ADGRL1: variants seen among roughly 807,000 people sequenced by gnomAD.
The protein encoded by ADGRL1 is adhesion G protein-coupled receptor L1.
ADGRL1 carries 31 observed loss-of-function variants against 148.9 expected under a neutral mutation model. The observed-to-expected ratio is 0.21, with a 90% CI of 0.16 to 0.28. The LOEUF (loss-of-function observed/expected upper bound fraction) is 0.28, where lower values mean the gene tolerates loss of function less well. Ranked by LOEUF, ADGRL1 falls within the 10% of genes least tolerant of loss-of-function variation. The probability of loss-of-function intolerance (pLI) is 1.00; values close to 1 mark genes in which losing one functional copy is unlikely to be tolerated. For synonymous variants in ADGRL1, 937 were observed against 900.3 expected, an observed-to-expected ratio of 1.04 and a Z score of -0.73; for missense variants, 1,521 against 2,058.8, an observed-to-expected ratio of 0.74 and a Z score of 5.05.
chr19:14,163,503 G>GGA lies in ADGRL1; in HGVS notation c.395-98_395-97insTC, dbSNP rs1555785238. The GGA allele has an allele frequency of 4.2e-3, 3,387 of 809,638 alleles. 4 individuals carry two copies. The highest frequency in any genetic ancestry group is 5.3e-3 in the Admixed American group (176 of 33,404). The allele number at this position is 809,638 out of a possible 1,614,324, so 50.2% of individuals were successfully genotyped here. The stretch of plus-strand genomic sequence containing the variant: ...GAGAGAGAGAGAGAGAGAGAGGGGG[G>GGA]AGAGAGGCAAGTTGGTCACGCTGCT... On this transcript the variant is annotated intron_variant, in intron 4 of 22. Coordinates refer to ENST00000361434, the MANE Select transcript of ADGRL1 (RefSeq NM_014921.5).
chr19:14,175,683 GACAC>G (rs765584470), intron 3 of ADGRL1, among the ~76,000 whole-genome samples: 4 of 151,726 alleles, frequency 2.6e-5, no homozygotes, highest in Non-Finnish European at 5.9e-5. Flanking sequence ...CATACACTTA[GACAC>G]ACAGACACAC....
At chr19:14,183,401 C>T in intron 2 of ADGRL1, 132 bp downstream of exon 2, 2 of 814,720 alleles carry the variant, frequency 2.5e-6, no homozygotes, top group Non-Finnish European at 3.9e-6. Flanking sequence ...TGGCCTGCTC[C>T]AGCTGAGGTC....
At position 14,160,892 on chromosome 19, in the gene ADGRL1, C is replaced by G. The variant is rs1042139371; in HGVS notation, c.1511-196G>C. Among the ~76,000 whole-genome samples the G allele has an allele frequency of 1.3e-5, 2 of 152,176 alleles. No homozygotes were observed. The highest frequency in any genetic ancestry group is 4.8e-5 in the African/African-American group (2 of 41,442). On this transcript the variant is annotated intron_variant, in intron 6 of 22. Transcript: ENST00000361434. This position sits in a 1 kb window ranked among gnomAD's most constrained non-coding sequence, Gnocchi z 5.9. ...GCCACTCACTTCCCCTGAGCTCTCC[C>G]TCCTGCCCCCTTCTGTCTTTGCCTC...
At chr19:14,158,217 C>A in intron 12 of ADGRL1, 121 bp downstream of exon 12, 1 of 1,263,042 alleles carries the variant, frequency 7.9e-7, no homozygotes, top group Non-Finnish European at 1.1e-6. Flanking sequence ...ATGGCCCAAG[C>A]TCTAAAGTGG....
chr19:14,189,430 A>T (rs1288496108), intron 1 of ADGRL1, among the ~76,000 whole-genome samples: 1 of 152,064 alleles, frequency 6.6e-6, no homozygotes. Flanking sequence ...GGATTTCGTC[A>T]TGTTGCCTAG....
intron 2 of ADGRL1, among the ~76,000 whole-genome samples, chr19:14,180,849 T>C (rs1568613188): frequency 1.3e-5 from 2 of 152,160 alleles, no homozygotes; most frequent in Admixed American, 1.3e-4. Context: ...CCAGTGCACC[T>C]GGCCCTGATT....
rs71170598 is a variant in ADGRL1, at chr19:14,149,922, C to CTTTTTTTTTTTTTTTTTTTTTTTTTTTT, written c.*950_*951insAAAAAAAAAAAAAAAAAAAAAAAAAAAA. 1 of 122,724 alleles carries CTTTTTTTTTTTTTTTTTTTTTTTTTTTT rather than the reference C, an allele frequency of 8.1e-6. No homozygotes were observed. Among genetic ancestry groups the CTTTTTTTTTTTTTTTTTTTTTTTTTTTT allele is most frequent in the Non-Finnish European group, 1.7e-5 (1 of 57,784 alleles). The allele number at this position is 122,724 out of a possible 1,614,324, so 7.6% of individuals were successfully genotyped here. ...CAAGTGATGAGATTTTTTTTCTTTT[C>CTTTTTTTTTTTTTTTTTTTTTTTTTTTT]TTTTTTTTTTTTTTTGTCTTTTTTT... On this transcript the variant is annotated 3_prime_UTR_variant, in exon 23 of 23. Transcript: ENST00000361434.
Position 14,152,292 on chromosome 19 carries a change from T to A in ADGRL1, c.3649+17A>T. On this transcript the variant is annotated intron_variant, in intron 21 of 22. Coordinates refer to ENST00000361434, the MANE Select transcript of ADGRL1 (RefSeq NM_014921.5). The surrounding 1 kb of genome is among the most constrained non-coding windows in gnomAD (Gnocchi z 6.1). ...CCCTCCATTTCCCAACCTGGGATGT[T>A]TCCCCCGTGCTCTCACCTGGGGAGT... is the stretch of plus-strand genomic sequence containing the variant. 4 of 1,604,444 alleles carry A rather than the reference T, an allele frequency of 2.5e-6. No individual in the cohort carries two copies. The highest frequency in any genetic ancestry group is 3.4e-6 in the Non-Finnish European group (4 of 1,173,952).
intron 1 of ADGRL1, chr19:14,190,958 G>A (rs1231202542): frequency 7.7e-6 from 3 of 389,662 alleles, no homozygotes; most frequent in African/African-American, 6.2e-5. Context: ...TGTGATGGCG[G>A]GGACCTGTAA....
rs149370075 is a variant in ADGRL1 at position 14,196,249 on chromosome 19, C to T, written c.-96+9736G>A. Among the ~76,000 whole-genome samples, 914 of 152,328 alleles carry T rather than the reference C, an allele frequency of 6.0e-3. 13 individuals are homozygous for T. The highest frequency in any genetic ancestry group is 0.02 in the African/African-American group (852 of 41,562). On this transcript the variant is annotated intron_variant, in intron 1 of 22. Transcript: ENST00000361434. ...GGCGCGTGTGAGCATCTAAGTCAGC[C>T]GCTTCCCTCCTCTGCTCAGAACCCT...
intron 1 of ADGRL1, among the ~76,000 whole-genome samples, chr19:14,205,732 C>G (rs1486518366): frequency 6.6e-6 from 1 of 151,220 alleles, no homozygotes; most frequent in Non-Finnish European, 1.5e-5. Context: ...GTAGCCCGTC[C>G]GCACCCCCGC....
intron 1 of ADGRL1, among the ~76,000 whole-genome samples, chr19:14,188,923 A>G (rs1252641721): frequency 1.3e-5 from 2 of 150,784 alleles, no homozygotes; most frequent in African/African-American, 4.9e-5. Flanking sequence ...ATAGGCGCCC[A>G]CCACCACGAG....
At position 14,159,473 on chromosome 19, in the gene ADGRL1, C is replaced by G. The variant is rs752383652; in HGVS notation, c.1951G>C (p.Glu651Gln). The G allele has an allele frequency of 1.2e-6, 2 of 1,613,322 alleles. No individual in the cohort carries two copies. Among genetic ancestry groups the G allele is most frequent in the Non-Finnish European group, 1.7e-6 (2 of 1,179,830 alleles). The change falls in exon 10 of 23, where the codon GAG becomes CAG. Residue 651 changes from glutamate (E) to glutamine (Q), a missense_variant. This residue lies in a region of ADGRL1 where 265 missense variants were observed against 431.9 expected (regional missense o/e 0.61). Transcript: ENST00000361434. The surrounding 1 kb of genome is among the most constrained non-coding windows in gnomAD (Gnocchi z 6.0). The stretch of plus-strand genomic sequence containing the variant: ...TCGGCCAGCAGGAAGGCGCCCTCCT[C>G]CAGGACGTCGAGGAGCATGGTGGCC... The part of the protein sequence containing the change: ...HTATMLLDVL[E>Q]EGAFLLADNV...
chr19:14,161,480 C>G lies in ADGRL1; in HGVS notation c.1342G>C (p.Asp448His), dbSNP rs1032898151. ...PVGAINQLGP[D>H]LPPATAPVPS... ...ACTGGGGCTGTGGCTGGAGGCAGAT[C>G]AGGTCCCAGCTGGTTGATGGCACCC... Residue 448 changes from aspartate to histidine, a missense_variant, in exon 6 of 23, where the codon GAT (aspartate) becomes CAT (histidine). Asp to His is a moderately conservative substitution (Grantham distance 81). Around this residue, in one of 8 missense-constraint regions of ADGRL1, gnomAD observed 270 missense variants for 320.4 expected, o/e 0.84. Coordinates refer to ENST00000361434, the MANE Select transcript of ADGRL1 (RefSeq NM_014921.5). This position sits in a 1 kb window ranked among gnomAD's most constrained non-coding sequence, Gnocchi z 4.4. 3.5e-6 allele frequency: 5 copies of G among 1,442,036 alleles called. No homozygotes were observed. Among genetic ancestry groups the G allele is most frequent in the Non-Finnish European group, 4.6e-6 (5 of 1,095,762 alleles). 89.3% of individuals were successfully genotyped at this position (1,442,036 alleles called of 1,614,324 possible). A position where few individuals can be genotyped will look rare whatever the true frequency, so the allele number is the denominator to read the frequency against.
chr19:14,172,477 C>A (rs930849719), intron 3 of ADGRL1, among the ~76,000 whole-genome samples: 1 of 152,076 alleles, frequency 6.6e-6, no homozygotes, highest in African/African-American at 2.4e-5. Context: ...CAGTGGCTCA[C>A]ACCTGTAATC....
At position 14,155,287 on chromosome 19, in the gene ADGRL1, G is replaced by A. The variant is rs1240857776; in HGVS notation, c.3294+72C>T. ...GAGCCCCTGAGTCCCCTCCACCCTC[G>A]CCGCCTTCTCCTGGGTACCCAGGAA... On this transcript the variant is annotated intron_variant, in intron 18 of 22. Transcript: ENST00000361434. This position sits in a 1 kb window ranked among gnomAD's most constrained non-coding sequence, Gnocchi z 5.0. 3.9e-6 allele frequency: 6 copies of A among 1,554,146 alleles called. No homozygotes were observed. In the African/African-American group the frequency reaches 4.1e-5, roughly 11 times the overall value.
At chr19:14,205,376 G>C (rs1972920482) in intron 1 of ADGRL1, among the ~76,000 whole-genome samples, 1 of 151,846 alleles carries the variant, frequency 6.6e-6, no homozygotes, top group African/African-American at 2.4e-5. Context: ...CCTCCTGACA[G>C]CGGCGCCCCC....
At chr19:14,158,723 A>G (rs967918839) in intron 11 of ADGRL1, among the ~76,000 whole-genome samples, 171 bp from the exon 12 acceptor site, 4 of 152,210 alleles carry the variant, frequency 2.6e-5, no homozygotes, top group African/African-American at 9.6e-5. Context: ...AGCCCTGTCC[A>G]CAAGACCACT....
chr19:14,190,417 C>T (rs1971855189), intron 1 of ADGRL1, among the ~76,000 whole-genome samples: 1 of 152,190 alleles, frequency 6.6e-6, no homozygotes, highest in Admixed American at 6.6e-5. Context: ...CAGGTGTGTG[C>T]CACCATGCTT....
Sources: gnomAD v4.1 joint callset for allele counts (sites outside exome capture counted in the v4.1 genomes callset) on GRCh38, gnomAD v4.1.1 for gene constraint, gnomAD v4.1.1 regional missense constraint, Gnocchi (gnomAD v3.1) non-coding constraint, MANE v1.5 for transcripts, NCBI Gene and HGNC (gene_info 2026-07-23, HGNC 2026-07-21) for gene names.